Variants in ZBTB44 observed in about 807,000 individuals in gnomAD.
The protein encoded by ZBTB44 is zinc finger and BTB domain-containing protein 44.
A neutral mutation model predicts 54.0 loss-of-function variants in ZBTB44; 15 were observed. That is an observed-to-expected ratio of 0.28 (90% CI 0.19 to 0.43). The LOEUF is 0.43. Among genes scored for constraint, ZBTB44 ranks in the 20% least tolerant of loss-of-function variants. The probability of loss-of-function intolerance (pLI) is 1.00; values close to 1 mark genes in which losing one functional copy is unlikely to be tolerated. For missense variants in ZBTB44, 487 were observed against 707.1 expected (o/e 0.69, Z 3.53); for synonymous variants, 230 against 250.1 (o/e 0.92, Z 0.76).
chr11:130,280,765 T>A (rs986989957), intron 1 of ZBTB44, among the ~76,000 whole-genome samples: 11 of 152,276 alleles, frequency 7.2e-5, no homozygotes, highest in African/African-American at 2.7e-4. Context: ...AGCACGCTTT[T>A]TGTATTTTTA....
At chr11:130,271,062 A>C (rs993904666) in intron 1 of ZBTB44, among the ~76,000 whole-genome samples, 1 of 152,200 alleles carries the variant, frequency 6.6e-6, no homozygotes, top group Admixed American at 6.5e-5. Flanking sequence ...TTTTGTGTCT[A>C]ATTTCTCTCG....
At chr11:130,250,189 G>A (rs1019472895) in intron 2 of ZBTB44, among the ~76,000 whole-genome samples, 1 of 152,198 alleles carries the variant, frequency 6.6e-6, no homozygotes, top group African/African-American at 2.4e-5. Context: ...GTGGCACAGT[G>A]GCTATGGCCA....
intron 6 of ZBTB44, 107 bp downstream of exon 6, chr11:130,234,049 G>A: frequency 6.5e-7 from 1 of 1,531,688 alleles, no homozygotes; most frequent in Non-Finnish European, 8.8e-7. Flanking sequence ...GGTTGCCTCA[G>A]CACAAGCACT....
At chr11:130,300,351 CAA>C (rs1235589261) in intron 1 of ZBTB44, among the ~76,000 whole-genome samples, 1 of 152,012 alleles carries the variant, frequency 6.6e-6, no homozygotes, top group South Asian at 2.1e-4. Flanking sequence ...CACACACACA[CAA>C]ATCAATGGTC....
intron 1 of ZBTB44, among the ~76,000 whole-genome samples, chr11:130,287,150 C>T (rs1671078): frequency 0.78 from 118,736 of 152,106 alleles, 46,607 homozygotes; most frequent in Admixed American, 0.82. Flanking sequence ...TAATCATGGA[C>T]ACCTTCAATT....
intron 2 of ZBTB44, among the ~76,000 whole-genome samples, chr11:130,250,494 C>A (rs1937912144): frequency 1.3e-5 from 2 of 152,154 alleles, no homozygotes; most frequent in Non-Finnish European, 2.9e-5. Context: ...GGAGAGACTT[C>A]CCAACAGGGG....
chr11:130,284,014 A>T (rs1940744652), intron 1 of ZBTB44, among the ~76,000 whole-genome samples: 1 of 142,936 alleles, frequency 7.0e-6, no homozygotes, highest in Non-Finnish European at 1.5e-5. Context: ...GCAGCTGGGC[A>T]CGGTGGCTCA....
chr11:130,256,037 G>A (rs1482410961), intron 2 of ZBTB44, among the ~76,000 whole-genome samples: 1 of 151,936 alleles, frequency 6.6e-6, no homozygotes, highest in East Asian at 1.9e-4. Flanking sequence ...ACGAAGAGAA[G>A]CTGGTACCAT....
At chr11:130,284,554 A>C (rs914987688) in intron 1 of ZBTB44, among the ~76,000 whole-genome samples, 1 of 152,154 alleles carries the variant, frequency 6.6e-6, no homozygotes, top group Admixed American at 6.5e-5. Flanking sequence ...CTTGGTTCTT[A>C]AGAGTCCACT....
chr11:130,313,328 G>A (rs1048815925), intron 1 of ZBTB44, among the ~76,000 whole-genome samples: 1 of 152,144 alleles, frequency 6.6e-6, no homozygotes, highest in African/African-American at 2.4e-5. Context: ...AAGCAGTACT[G>A]CACAAAATGA....
chr11:130,285,737 T>C, intron 1 of ZBTB44: 1 of 234,900 alleles, frequency 4.3e-6, no homozygotes, highest in Non-Finnish European at 8.8e-6. Context: ...TGGAATAGAG[T>C]AGTATTTGTT....
At chr11:130,250,460 C>T (rs561500829) in intron 2 of ZBTB44, among the ~76,000 whole-genome samples, 14 of 152,310 alleles carry the variant, frequency 9.2e-5, no homozygotes, top group Non-Finnish European at 1.3e-4. Context: ...CAAGTGGGTC[C>T]CTGACCCCCA....
At chr11:130,244,428 G>C (rs2136315587) in intron 2 of ZBTB44, among the ~76,000 whole-genome samples, 1 of 152,254 alleles carries the variant, frequency 6.6e-6, no homozygotes, top group East Asian at 1.9e-4. Context: ...AGCACTTTGG[G>C]AGGCCGACGT....
chr11:130,288,353 G>A (rs754263556), intron 1 of ZBTB44, among the ~76,000 whole-genome samples: 2 of 151,704 alleles, frequency 1.3e-5, no homozygotes, highest in Non-Finnish European at 2.9e-5. Context: ...CAGCCTGGGT[G>A]ACAGAGCCAG....
At chr11:130,283,252 G>C (rs993923610) in intron 1 of ZBTB44, among the ~76,000 whole-genome samples, 1 of 151,698 alleles carries the variant, frequency 6.6e-6, no homozygotes, top group Non-Finnish European at 1.5e-5. Context: ...TGCCATGTTG[G>C]CTAGGCTGGT....
intron 2 of ZBTB44, among the ~76,000 whole-genome samples, chr11:130,255,918 A>AT (rs1250790117): frequency 0.011 from 1,202 of 108,604 alleles, 30 homozygotes; most frequent in South Asian, 0.04. Flanking sequence ...AAAAAAAAAA[A>AT]AAACACCCCT....
At chr11:130,282,381 A>G (rs933691641) in intron 1 of ZBTB44, among the ~76,000 whole-genome samples, 11 of 152,218 alleles carry the variant, frequency 7.2e-5, no homozygotes, top group South Asian at 2.1e-4. Context: ...GGTACCTCAT[A>G]TAAGTGGAAG....
rs926753563 is a variant in ZBTB44 at position 130,234,119 on chromosome 11, A to G, written c.1686+37T>C. 3 of 1,543,564 alleles carry G rather than the reference A, an allele frequency of 1.9e-6. No individual in the cohort carries two copies. The African/African-American group carries it at 4.2e-5, about 21-fold the overall frequency. ...TCTGCCAGCCCACCAAGAGACCCCA[A>G]GGGAAAAGTGCTTTCACAATTCTGG... is the stretch of plus-strand genomic sequence containing the variant. On this transcript the variant is annotated intron_variant, in intron 6 of 7. Transcript: ENST00000357899.
At chr11:130,283,325 C>A (rs1190425030) in intron 1 of ZBTB44, among the ~76,000 whole-genome samples, 3 of 152,136 alleles carry the variant, frequency 2.0e-5, no homozygotes, top group African/African-American at 7.2e-5. Flanking sequence ...GGATTACAGG[C>A]ATGAGCCACC....
Sources: gnomAD v4.1 joint callset for allele counts (sites outside exome capture counted in the v4.1 genomes callset) on GRCh38, gnomAD v4.1.1 for gene constraint, MANE v1.5 for transcripts, NCBI Gene and HGNC (gene_info 2026-07-23, HGNC 2026-07-21) for gene names.